Variants in SPTBN1 observed in about 807,000 individuals in gnomAD.
The protein encoded by SPTBN1 is spectrin beta, non-erythrocytic 1, also known as spectrin beta chain, non-erythrocytic 1.
A neutral mutation model predicts 266.4 loss-of-function variants in SPTBN1; 32 were observed. That is an observed-to-expected ratio of 0.12 (90% CI 0.09 to 0.16). The LOEUF (loss-of-function observed/expected upper bound fraction) is 0.16. Ranked by LOEUF, SPTBN1 falls within the 10% of genes least tolerant of loss-of-function variation. SPTBN1 has a pLI of 1.00. For synonymous variants in SPTBN1, 1,336 were observed against 1,162.2 expected (o/e 1.15, Z -3.04); for missense variants, 2,296 against 3,067.1 (o/e 0.75, Z 5.94).
chr2:54,578,195 T>A lies in SPTBN1; in HGVS notation c.149-20897T>A, dbSNP rs150626918. ...TAGAATCTTGGATTTAAAAGTACAG[T>A]GTTCACTGCTGCATCGTTGAGCATT... On this transcript the variant is annotated intron_variant, in intron 2 of 35. Coordinates refer to ENST00000356805, the MANE Select transcript of SPTBN1 (RefSeq NM_003128.3). Among the ~76,000 whole-genome samples, 4 of 152,316 alleles carry A rather than the reference T, an allele frequency of 2.6e-5. No homozygotes were observed. The East Asian group carries it at 7.7e-4, about 29-fold the overall frequency.
In SPTBN1 at chr2:54,668,247, G is replaced by T. The variant is rs532259502; in HGVS notation, c.6877-104G>T. The T allele has an allele frequency of 1.0e-5, 11 of 1,073,868 alleles. No individual in the cohort carries two copies. The South Asian group carries it at 1.4e-4, about 14-fold the overall frequency. The allele number at this position is 1,073,868 out of a possible 1,614,324, so 66.5% of individuals were successfully genotyped here. On this transcript the variant is annotated intron_variant, in intron 35 of 35. Coordinates refer to ENST00000356805, the MANE Select transcript of SPTBN1 (RefSeq NM_003128.3). Reference sequence around the variant, plus strand: ...GGGGACAGTGCCCAGAAGTGACTCTGCTTACCCCTCAGTTGGCCAGATGCG... The same window carrying T: ...GGGGACAGTGCCCAGAAGTGACTCTTCTTACCCCTCAGTTGGCCAGATGCG...
At chr2:54,659,875 A>G in intron 31 of SPTBN1, 61 bp from the exon 32 acceptor site, 1 of 1,572,036 alleles carries the variant, frequency 6.4e-7, no homozygotes, top group Non-Finnish European at 8.6e-7. Context: ...ACCCTTTCTT[A>G]CTGTTTCCTC....
intron 1 of SPTBN1, among the ~76,000 whole-genome samples, chr2:54,498,054 T>C (rs1669060213): frequency 6.6e-6 from 1 of 152,230 alleles, no homozygotes; most frequent in Non-Finnish European, 1.5e-5. Context: ...ATTCTTTTGC[T>C]TAAAGAATCA....
In SPTBN1 at chr2:54,599,144, C is replaced by T. The variant is rs1165263930; in HGVS notation, c.201C>T (p.His67=). 2.5e-6 allele frequency: 4 copies of T among 1,614,064 alleles called. No homozygotes were observed. The highest frequency in any genetic ancestry group is 2.2e-5 in the South Asian group (2 of 91,082). Residue 67 remains histidine (H), a synonymous_variant, in exon 3 of 36, where the codon CAC becomes CAT. Coordinates refer to ENST00000356805, the MANE Select transcript of SPTBN1 (RefSeq NM_003128.3). ...KKTFTKWVNS[H]LARVSCRITD... ...CCTTCACCAAGTGGGTCAATTCCCA[C>T]CTTGCCCGTGTGTCCTGCCGGATCA... is the stretch of plus-strand genomic sequence containing the variant.
At chr2:54,659,047 G>T in intron 30 of SPTBN1, 107 bp from the exon 31 acceptor site, 5 of 1,145,146 alleles carry the variant, frequency 4.4e-6, no homozygotes, top group South Asian at 4.1e-5. Flanking sequence ...GTCCAGTGTG[G>T]TCCAGTTTAG....
intron 17 of SPTBN1, among the ~76,000 whole-genome samples, chr2:54,633,034 A>AACCG (rs142926110): frequency 0.053 from 8,047 of 152,282 alleles, 294 homozygotes; most frequent in Non-Finnish European, 0.084. Flanking sequence ...GAGGACCTGT[A>AACCG]AGAGCCGTAG....
At chr2:54,665,292 T>A (rs1292297554) in intron 33 of SPTBN1, among the ~76,000 whole-genome samples, 2 of 152,220 alleles carry the variant, frequency 1.3e-5, no homozygotes, top group African/African-American at 4.8e-5. Flanking sequence ...TCAGAACATC[T>A]AAGAACTGCC....
At chr2:54,584,218 C>G (rs184262243) in intron 2 of SPTBN1, among the ~76,000 whole-genome samples, 265 of 152,234 alleles carry the variant, frequency 1.7e-3, no homozygotes, top group Middle Eastern at 0.014. Context: ...TTTCCTTACT[C>G]TTTTTAATGC....
At chr2:54,592,510 G>A (rs1473537796) in intron 2 of SPTBN1, among the ~76,000 whole-genome samples, 9 of 151,774 alleles carry the variant, frequency 5.9e-5, no homozygotes, top group South Asian at 2.1e-4. Context: ...TCAGCCTCCC[G>A]AGTAGCTGGG....
chr2:54,496,653 C>G (rs1029252541), intron 1 of SPTBN1, among the ~76,000 whole-genome samples: 1 of 152,156 alleles, frequency 6.6e-6, no homozygotes, highest in Non-Finnish European at 1.5e-5. Context: ...AAATGATCAA[C>G]TTATATGAAA....
intron 2 of SPTBN1, among the ~76,000 whole-genome samples, chr2:54,561,094 G>A (rs1300621455): frequency 3.3e-5 from 5 of 152,086 alleles, no homozygotes; most frequent in Non-Finnish European, 7.4e-5. Context: ...ATCTTTCCTA[G>A]CACATAATCT....
chr2:54,541,278 C>T (rs1671920349), intron 2 of SPTBN1, among the ~76,000 whole-genome samples: 1 of 152,332 alleles, frequency 6.6e-6, no homozygotes, highest in Admixed American at 6.5e-5. Flanking sequence ...GTGTGTGCTT[C>T]CAGCATTTGC....
At chr2:54,512,122 A>G (rs1669886813) in intron 1 of SPTBN1, among the ~76,000 whole-genome samples, 1 of 152,168 alleles carries the variant, frequency 6.6e-6, no homozygotes, top group Non-Finnish European at 1.5e-5. Context: ...CTCAGATGGT[A>G]GGTATAAGCA....
intron 28 of SPTBN1, 143 bp from the exon 29 acceptor site, chr2:54,655,771 C>G: frequency 1.7e-6 from 1 of 601,038 alleles, no homozygotes; most frequent in South Asian, 1.9e-5. Flanking sequence ...TCCCAGTCCT[C>G]AGACAGACTG....
chr2:54,479,020 C>G, intron 1 of SPTBN1, among the ~76,000 whole-genome samples: 1 of 152,094 alleles, frequency 6.6e-6, no homozygotes, highest in East Asian at 1.9e-4. Context: ...ATAAAAATAA[C>G]AAACAACTGA....
rs117245671 is a variant in SPTBN1, at chr2:54,638,900, G to T, written c.3858+1097G>T. ...GAAATACGGCTCCAGTGACAGCTGC[G>T]TTAGATCACGTATGACAGAAGCAAT... On this transcript the variant is annotated intron_variant, in intron 18 of 35. Transcript: ENST00000356805. Among the ~76,000 whole-genome samples the T allele has an allele frequency of 7.9e-5, 12 of 152,326 alleles. 1 individual carries two copies. In the East Asian group the frequency reaches 2.3e-3, roughly 29 times the overall value.
rs35357181 is a variant in SPTBN1, at chr2:54,664,508, C to T, written c.6476C>T (p.Thr2159Met). ...GTCAACGGCGCTACAGAACAAAGGACGAGCTCTAAAGAGTCCAGCCCCATC... is the reference window on the plus strand; with the variant it reads ...GTCAACGGCGCTACAGAACAAAGGATGAGCTCTAAAGAGTCCAGCCCCATC... ...EMVNGATEQR[T>M]SSKESSPIPS... is the part of the protein sequence containing the mutation. The change falls in exon 33 of 36, where the codon ACG (threonine) becomes ATG (methionine). Residue 2159 changes from threonine (T) to methionine (M), a missense_variant. By Grantham distance (81) the Thr-to-Met change is moderately conservative. This residue lies in a region of SPTBN1 where 347 missense variants were observed against 368.5 expected (regional missense o/e 0.94). Transcript: ENST00000356805. This position sits in a 1 kb window ranked among gnomAD's most constrained non-coding sequence, Gnocchi z 5.6. The T allele has an allele frequency of 2.9e-5, 46 of 1,613,984 alleles. No individual in the cohort carries two copies. The highest frequency in any genetic ancestry group is 2.7e-4 in the African/African-American group (20 of 74,872).
chr2:54,631,686 G>T, intron 16 of SPTBN1, 75 bp downstream of exon 16: 4 of 1,537,988 alleles, frequency 2.6e-6, no homozygotes, highest in Admixed American at 1.8e-5. Flanking sequence ...TTTGGCTGGG[G>T]CAGCTGGTTT....
intron 2 of SPTBN1, among the ~76,000 whole-genome samples, chr2:54,585,606 CT>C (rs1322612714): frequency 6.6e-6 from 1 of 152,200 alleles, no homozygotes; most frequent in Non-Finnish European, 1.5e-5. Flanking sequence ...ATAACTTTCT[CT>C]TTTACATGTT....
Sources: allele counts gnomAD v4.1 joint callset (sites outside exome capture counted in the v4.1 genomes callset), GRCh38; gene constraint gnomAD v4.1.1; regional missense constraint gnomAD v4.1.1; non-coding constraint Gnocchi (gnomAD v3.1); transcripts MANE v1.5; gene names NCBI Gene and HGNC (gene_info 2026-07-23, HGNC 2026-07-21).